The following FARP2 variants were observed in gnomAD, a reference collection of about 807,000 sequenced individuals.
FARP2 encodes FERM, ARH/RhoGEF and pleckstrin domain protein 2.
A neutral mutation model predicts 130.5 loss-of-function variants in FARP2; 111 were observed. The observed-to-expected ratio is 0.85, with a 90% CI of 0.73 to 1.00. FARP2 has a LOEUF of 1.00. Among genes scored for constraint, FARP2 ranks in the 50% least tolerant of loss-of-function variants. The probability of loss-of-function intolerance (pLI) is 0.00; values close to 1 mark genes in which losing one functional copy is unlikely to be tolerated. For synonymous variants in FARP2, 504 were observed against 516.9 expected (o/e 0.98, Z 0.34); for missense variants, 1,385 against 1,346.3 (o/e 1.03, Z -0.45).
chr2:241,417,726 A>T (rs1163417114), intron 7 of FARP2, among the ~76,000 whole-genome samples: 3 of 152,202 alleles, frequency 2.0e-5, no homozygotes, highest in Non-Finnish European at 4.4e-5. Flanking sequence ...AGTGTATGCA[A>T]AGAAAGTGTT....
intron 8 of FARP2, among the ~76,000 whole-genome samples, chr2:241,425,378 A>G (rs916431373): frequency 3.9e-5 from 6 of 152,320 alleles, no homozygotes; most frequent in South Asian, 2.1e-4. Context: ...AGAAACTATC[A>G]TCAGAGTGAA....
intron 8 of FARP2, among the ~76,000 whole-genome samples, chr2:241,419,577 C>T (rs1477324993): frequency 6.6e-6 from 1 of 151,952 alleles, no homozygotes; most frequent in African/African-American, 2.4e-5. Context: ...AAACAGCCCA[C>T]GAAAGATGAG....
intron 1 of FARP2, among the ~76,000 whole-genome samples, chr2:241,363,630 G>A (rs1006944146): frequency 6.6e-6 from 1 of 152,248 alleles, no homozygotes; most frequent in Admixed American, 6.5e-5. Flanking sequence ...ATAGACCATC[G>A]CCTGGAAGGC....
At chr2:241,478,657 G>A in intron 19 of FARP2, 2 of 490,792 alleles carry the variant, frequency 4.1e-6, no homozygotes, top group Admixed American at 2.3e-5. Flanking sequence ...AAGGAGTGTT[G>A]GAAAAAGCAG....
At position 241,408,228 on chromosome 2, in the gene FARP2, C is replaced by T. The variant is rs537239789; in HGVS notation, c.410+613C>T. 4.6e-5 allele frequency among the ~76,000 whole-genome samples: 7 copies of T among 152,154 alleles called. No individual in the cohort carries two copies. In the South Asian group the frequency reaches 6.2e-4, roughly 14 times the overall value. On this transcript the variant is annotated intron_variant, in intron 5 of 26. Coordinates refer to ENST00000264042, the MANE Select transcript of FARP2 (RefSeq NM_014808.4). ...TCCACTAAAAATACAAAAAATAAGC[C>T]GGGCATGGTGGCGGGCACCTGTAGT...
intron 1 of FARP2, among the ~76,000 whole-genome samples, chr2:241,359,977 C>T (rs916577617): frequency 6.6e-6 from 1 of 152,148 alleles, no homozygotes; most frequent in African/African-American, 2.4e-5. Context: ...TTTTTGAGGC[C>T]TTGTCTTGGA....
chr2:241,417,398 T>C (rs2062701464), intron 7 of FARP2, among the ~76,000 whole-genome samples: 2 of 152,182 alleles, frequency 1.3e-5, no homozygotes, highest in Non-Finnish European at 2.9e-5. Context: ...AGTATTATTA[T>C]TGTTAGAGAT....
chr2:241,404,540 G>T lies in FARP2; in HGVS notation c.289-259G>T, dbSNP rs192766433. ...ACAAATAATTATTGGGACCCATTCT[G>T]CGCATAGCAGCAACTGAATAGAGGT... is the stretch of plus-strand genomic sequence containing the variant. On this transcript the variant is annotated intron_variant, in intron 3 of 26. Transcript: ENST00000264042. Among the ~76,000 whole-genome samples, 21 of 152,254 alleles carry T rather than the reference G, an allele frequency of 1.4e-4. No individual in the cohort carries two copies. The highest frequency in any genetic ancestry group is 2.4e-4 in the Non-Finnish European group (16 of 68,018).
chr2:241,394,544 C>CTGA, intron 2 of FARP2, among the ~76,000 whole-genome samples: 1 of 150,246 alleles, frequency 6.7e-6, no homozygotes, highest in East Asian at 2.0e-4. Flanking sequence ...AGACATGTGA[C>CTGA]TGATACAAGT....
rs968572496 is a variant in FARP2, at chr2:241,443,190, C to A, written c.1411+1634C>A. The A allele has an allele frequency of 8.7e-5, 17 of 194,582 alleles. No homozygotes were observed. The East Asian group carries it at 2.8e-3, about 32-fold the overall frequency. 12.1% of individuals were successfully genotyped at this position (194,582 alleles called of 1,614,324 possible). On this transcript the variant is annotated intron_variant, in intron 13 of 26. Coordinates refer to ENST00000264042, the MANE Select transcript of FARP2 (RefSeq NM_014808.4). Reference sequence around the variant, plus strand: ...CTGGGACTCTGGGGGGACAGTCATCCATTGCACTGGGGTTGGGGGTGAGGG... The same window carrying A: ...CTGGGACTCTGGGGGGACAGTCATCAATTGCACTGGGGTTGGGGGTGAGGG...
At chr2:241,377,239 G>A (rs551727616) in intron 2 of FARP2, among the ~76,000 whole-genome samples, 6 of 152,022 alleles carry the variant, frequency 3.9e-5, no homozygotes, top group Admixed American at 3.9e-4. Context: ...CACTGACATT[G>A]TGTGGTGCTG....
chr2:241,401,051 G>A (rs1013728144), intron 2 of FARP2, among the ~76,000 whole-genome samples: 1 of 152,166 alleles, frequency 6.6e-6, no homozygotes, highest in African/African-American at 2.4e-5. Context: ...ACACAGATTT[G>A]CCCTTTTGTT....
chr2:241,430,298 G>C (rs1004382870), intron 8 of FARP2, among the ~76,000 whole-genome samples: 2 of 151,956 alleles, frequency 1.3e-5, no homozygotes, highest in African/African-American at 4.8e-5. Context: ...TTTGTACTTT[G>C]CCTGCTTCAC....
rs1305730788 is a variant in FARP2, at chr2:241,435,044, T to C, written c.1100+14T>C. On this transcript the variant is annotated intron_variant, in intron 11 of 26. Transcript: ENST00000264042. Reference sequence around the variant, plus strand: ...TCCATATGAAAGGTAAGCTCTGGCCTTTATGATGTAAAGTGTGTGCTTTTA... The same window carrying C: ...TCCATATGAAAGGTAAGCTCTGGCCCTTATGATGTAAAGTGTGTGCTTTTA... 4 of 1,488,714 alleles carry C rather than the reference T, an allele frequency of 2.7e-6. No homozygotes were observed. The highest frequency in any genetic ancestry group is 3.7e-6 in the Non-Finnish European group (4 of 1,081,726). 92.2% of individuals were successfully genotyped at this position (1,488,714 alleles called of 1,614,324 possible). A position where few individuals can be genotyped will look rare whatever the true frequency, so the allele number is the denominator to read the frequency against.
chr2:241,491,749 G>C, intron 24 of FARP2, 70 bp downstream of exon 24: 1 of 1,431,250 alleles, frequency 7.0e-7, no homozygotes, highest in Non-Finnish European at 9.2e-7. Context: ...TGGCTGCTGA[G>C]GAGGGGACCT....
chr2:241,427,195 A>G (rs1472333578), intron 8 of FARP2, among the ~76,000 whole-genome samples: 7 of 152,154 alleles, frequency 4.6e-5, no homozygotes, highest in African/African-American at 1.4e-4. Flanking sequence ...AGATCGCACC[A>G]TTGCACTCCA....
chr2:241,431,623 G>C, intron 8 of FARP2, 56 bp from the exon 9 acceptor site: 2 of 866,880 alleles, frequency 2.3e-6, no homozygotes, highest in South Asian at 1.4e-5. Flanking sequence ...CCTATTTCAT[G>C]AGAAAGGGGT....
chr2:241,486,475 A>C (rs1219375524), intron 21 of FARP2, among the ~76,000 whole-genome samples: 1 of 139,538 alleles, frequency 7.2e-6, no homozygotes, highest in Non-Finnish European at 1.5e-5. Context: ...AAAAAAAAAA[A>C]AAAAAAAAAA....
At chr2:241,421,648 G>A (rs1219011017) in intron 8 of FARP2, among the ~76,000 whole-genome samples, 1 of 152,226 alleles carries the variant, frequency 6.6e-6, no homozygotes, top group Non-Finnish European at 1.5e-5. Context: ...CCCTGACCCT[G>A]TTCCTCCTGA....
Sources: allele counts gnomAD v4.1 joint callset (sites outside exome capture counted in the v4.1 genomes callset), GRCh38; gene constraint gnomAD v4.1.1; transcripts MANE v1.5; gene names NCBI Gene and HGNC (gene_info 2026-07-23, HGNC 2026-07-21).